The following MAGI2 variants were observed in gnomAD, a reference collection of about 807,000 sequenced individuals.
MAGI2 encodes membrane associated guanylate kinase, WW and PDZ domain containing 2, also known as membrane-associated guanylate kinase, WW and PDZ domain-containing protein 2.
A neutral mutation model predicts 133.3 loss-of-function variants in MAGI2; 35 were observed. That is an observed-to-expected ratio of 0.26 (90% CI 0.20 to 0.35). The LOEUF is 0.35. Among genes scored for constraint, MAGI2 ranks in the 10% least tolerant of loss-of-function variants. The pLI, the probability that MAGI2 is intolerant of heterozygous loss-of-function variation, is 1.00. For synonymous variants in MAGI2, 729 were observed against 710.6 expected (o/e 1.03, Z -0.41); for missense variants, 1,636 against 1,863.4 (o/e 0.88, Z 2.25).
At chr7:78,774,205 A>G (rs1825805496) in intron 2 of MAGI2, among the ~76,000 whole-genome samples, 1 of 152,180 alleles carries the variant, frequency 6.6e-6, no homozygotes. Flanking sequence ...TGTTGATTTT[A>G]ATCTTCTAAG....
At chr7:78,821,743 T>C (rs1790135519) in intron 2 of MAGI2, among the ~76,000 whole-genome samples, 3 of 152,050 alleles carry the variant, frequency 2.0e-5, no homozygotes, top group South Asian at 4.1e-4. Context: ...TATTGGGAAT[T>C]TGACTTCTAT....
chr7:78,604,269 T>C (rs1247940183), intron 3 of MAGI2, among the ~76,000 whole-genome samples: 4 of 152,218 alleles, frequency 2.6e-5, no homozygotes, highest in Middle Eastern at 3.4e-3. Context: ...GGAAGAAGCA[T>C]GGTGCATTTG....
At chr7:78,511,551 A>AAAT (rs1491533621) in intron 4 of MAGI2, among the ~76,000 whole-genome samples, 1 of 127,898 alleles carries the variant, frequency 7.8e-6, no homozygotes, top group Non-Finnish European at 1.6e-5. Context: ...ATATATATAA[A>AAAT]TTTTTTTTTT....
intron 3 of MAGI2, among the ~76,000 whole-genome samples, chr7:78,608,471 G>GTGTA (rs1554496900): frequency 1.1e-4 from 16 of 149,698 alleles, no homozygotes; most frequent in African/African-American, 3.9e-4. Context: ...GTGTGTGTAT[G>GTGTA]TATATATATA....
intron 6 of MAGI2, among the ~76,000 whole-genome samples, chr7:78,434,573 G>T (rs1800102682): frequency 6.6e-6 from 1 of 152,092 alleles, no homozygotes; most frequent in Admixed American, 6.6e-5. Flanking sequence ...GGAATAAAAG[G>T]GGAGAGAAGG....
intron 1 of MAGI2, among the ~76,000 whole-genome samples, chr7:79,441,519 TAC>T (rs1318802123): frequency 6.6e-6 from 1 of 152,216 alleles, no homozygotes; most frequent in Non-Finnish European, 1.5e-5. Context: ...ATTAAATTTA[TAC>T]AGTTTTATAT....
rs1225968229 is a variant in MAGI2 at position 79,101,718 on chromosome 7, T to C, written c.302-94512A>G. On this transcript the variant is annotated intron_variant, in intron 1 of 21. Coordinates refer to ENST00000354212, the MANE Select transcript of MAGI2 (RefSeq NM_012301.4). ...CAGCAGGTGCTACAGAGCAAGACTC[T>C]GTCACAAAAAAAAAAAAAAAAAGAA... 8.1e-5 allele frequency among the ~76,000 whole-genome samples: 8 copies of C among 98,274 alleles called. No individual in the cohort carries two copies. The East Asian group carries it at 1.9e-3, about 24-fold the overall frequency. The allele number at this position is 98,274 out of a possible 152,430, so 64.5% of individuals were successfully genotyped here.
At chr7:78,572,582 A>C (rs1801613924) in intron 3 of MAGI2, among the ~76,000 whole-genome samples, 1 of 152,074 alleles carries the variant, frequency 6.6e-6, no homozygotes, top group Non-Finnish European at 1.5e-5. Context: ...GAATTCCCTT[A>C]CCTACCCCCC....
At chr7:78,185,483 G>GTCTA in intron 13 of MAGI2, 146 bp downstream of exon 13, 1 of 489,358 alleles carries the variant, frequency 2.0e-6, no homozygotes, top group Non-Finnish European at 3.5e-6. Flanking sequence ...GAGACTTGCT[G>GTCTA]TCTACCTTGA....
At chr7:78,856,203 C>A (rs1169872152) in intron 2 of MAGI2, among the ~76,000 whole-genome samples, 1 of 152,076 alleles carries the variant, frequency 6.6e-6, no homozygotes, top group Non-Finnish European at 1.5e-5. Context: ...CTGTAGGTTG[C>A]CTGTTCACTC....
At chr7:78,952,913 G>A (rs1477416660) in intron 2 of MAGI2, among the ~76,000 whole-genome samples, 2 of 152,120 alleles carry the variant, frequency 1.3e-5, no homozygotes, top group African/African-American at 2.4e-5. Flanking sequence ...TTCTGGAATA[G>A]CCCATTAAAA....
chr7:79,291,445 TG>T (rs1836478254), intron 1 of MAGI2, among the ~76,000 whole-genome samples: 1 of 152,158 alleles, frequency 6.6e-6, no homozygotes, highest in African/African-American at 2.4e-5. Context: ...GTGGAATTAC[TG>T]GGTCTTATGG....
At chr7:78,826,907 A>C (rs1053587133) in intron 2 of MAGI2, among the ~76,000 whole-genome samples, 1 of 152,118 alleles carries the variant, frequency 6.6e-6, no homozygotes, top group Non-Finnish European at 1.5e-5. Context: ...CAATTAAATA[A>C]ATGAATTGCA....
intron 1 of MAGI2, among the ~76,000 whole-genome samples, chr7:79,220,527 C>T (rs1830369478): frequency 2.0e-5 from 3 of 152,006 alleles, no homozygotes; most frequent in African/African-American, 7.3e-5. Context: ...AGCCAGCATC[C>T]TCCATGCACT....
At chr7:78,112,204 G>A (rs911983338) in intron 20 of MAGI2, among the ~76,000 whole-genome samples, 2 of 152,168 alleles carry the variant, frequency 1.3e-5, no homozygotes, top group African/African-American at 4.8e-5. Flanking sequence ...CACCTGTTTT[G>A]TAACTTTTAT....
At chr7:78,506,585 T>C (rs1795107835) in intron 4 of MAGI2, among the ~76,000 whole-genome samples, 1 of 151,908 alleles carries the variant, frequency 6.6e-6, no homozygotes, top group Non-Finnish European at 1.5e-5. Flanking sequence ...AATGAGAAAA[T>C]TAAAAAAACT....
chr7:78,861,045 T>A (rs571286066), intron 2 of MAGI2, among the ~76,000 whole-genome samples: 1 of 152,312 alleles, frequency 6.6e-6, no homozygotes, highest in African/African-American at 2.4e-5. Flanking sequence ...CTCCAAGCCA[T>A]GCATGGGATA....
At chr7:79,025,582 A>G (rs1809805508) in intron 1 of MAGI2, among the ~76,000 whole-genome samples, 1 of 152,156 alleles carries the variant, frequency 6.6e-6, no homozygotes, top group Admixed American at 6.5e-5. Context: ...GCAGCTGGGG[A>G]TGCACAATAA....
chr7:79,078,609 T>C (rs1815758977), intron 1 of MAGI2, among the ~76,000 whole-genome samples: 2 of 152,236 alleles, frequency 1.3e-5, no homozygotes, highest in African/African-American at 4.8e-5. Context: ...CTTAGTTACC[T>C]GACATTTATT....
Sources: allele counts gnomAD v4.1 joint callset (sites outside exome capture counted in the v4.1 genomes callset), GRCh38; gene constraint gnomAD v4.1.1; transcripts MANE v1.5; gene names NCBI Gene and HGNC (gene_info 2026-07-23, HGNC 2026-07-21).